DNAJC6: variants seen among roughly 807,000 people sequenced by gnomAD.
DNAJC6 encodes the protein auxilin.
A neutral mutation model predicts 110.0 loss-of-function variants in DNAJC6; 34 were observed. That is an observed-to-expected ratio of 0.31 (90% confidence interval 0.24 to 0.41). The LOEUF is 0.41. DNAJC6 is among the 10% of genes least tolerant of loss of function. The pLI is 1.00. For synonymous variants in DNAJC6, 406 were observed against 437.2 expected, an observed-to-expected ratio of 0.93 and a Z score of 0.89; for missense variants, 1,031 against 1,207.8, an observed-to-expected ratio of 0.85 and a Z score of 2.17.
chr1:65,370,565 A>G (rs1645696059), intron 4 of DNAJC6, among the ~76,000 whole-genome samples: 1 of 152,196 alleles, frequency 6.6e-6, no homozygotes, highest in Non-Finnish European at 1.5e-5. Context: ...ACCTGATTCC[A>G]GAGTTCTTAA....
At chr1:65,350,623 AC>A (rs1320486950) in intron 1 of DNAJC6, among the ~76,000 whole-genome samples, 1 of 152,244 alleles carries the variant, frequency 6.6e-6, no homozygotes, top group African/African-American at 2.4e-5. Context: ...CAGTTAAATT[AC>A]CGACATATCC....
intron 1 of DNAJC6, among the ~76,000 whole-genome samples, chr1:65,337,708 T>C (rs911295324): frequency 3.9e-5 from 6 of 152,196 alleles, no homozygotes; most frequent in African/African-American, 1.4e-4. Context: ...CATTGCAATG[T>C]AATAGGTATT....
chr1:65,338,704 A>T (rs1331933918), intron 1 of DNAJC6, among the ~76,000 whole-genome samples: 1 of 152,178 alleles, frequency 6.6e-6, no homozygotes, highest in African/African-American at 2.4e-5. Flanking sequence ...ATGTGTGTGT[A>T]TCTATCCACT....
intron 2 of DNAJC6, 107 bp from the exon 3 acceptor site, chr1:65,365,778 C>A: frequency 8.2e-7 from 1 of 1,225,278 alleles, no homozygotes; most frequent in Non-Finnish European, 1.2e-6. Flanking sequence ...TCGAAACATG[C>A]CCCCTGGACA....
intron 13 of DNAJC6, among the ~76,000 whole-genome samples, chr1:65,395,527 T>C (rs112200619): frequency 0.011 from 1,727 of 152,282 alleles, 19 homozygotes; most frequent in Non-Finnish European, 0.018. Flanking sequence ...TGTTGATGAC[T>C]CTACATGTGG....
Position 65,408,631 on chromosome 1 carries a change from T to G in DNAJC6, c.2492-10T>G, listed in dbSNP as rs1228703317. Reference sequence around the variant, plus strand: ...GAAAACTGTAATGATTTTCAAAAATTATATTGCAGAAGGGAAACAAAAAGC... The same window carrying G: ...GAAAACTGTAATGATTTTCAAAAATGATATTGCAGAAGGGAAACAAAAAGC... On this transcript the variant is annotated splice_polypyrimidine_tract_variant and intron_variant, in intron 16 of 18. Transcript: ENST00000371069. The G allele has an allele frequency of 1.9e-6, 3 of 1,599,704 alleles. No individual in the cohort carries two copies. Among genetic ancestry groups the G allele is most frequent in the African/African-American group, 2.7e-5 (2 of 73,520 alleles).
At chr1:65,311,228 T>TG (rs1645097636) in intron 1 of DNAJC6, among the ~76,000 whole-genome samples, 1 of 136,334 alleles carries the variant, frequency 7.3e-6, no homozygotes, top group Non-Finnish European at 1.6e-5. Context: ...TTTTTTTTTT[T>TG]TTTTTTTTTT....
At position 65,392,649 on chromosome 1, in the gene DNAJC6, G is replaced by A. The variant is rs887139680; in HGVS notation, c.1687G>A (p.Ala563Thr). The stretch of plus-strand genomic sequence containing the variant: ...GGACCTTTTGGGCCTGGAAGGGTCT[G>A]CAATGAGTAACAGCTTCTCTCCGCC... Reference protein sequence around the residue: ...DVDLLGLEGSAMSNSFSPPAA... With the variant: ...DVDLLGLEGSTMSNSFSPPAA... The change falls in exon 12 of 19, where the codon GCA becomes ACA. Residue 563 changes from alanine to threonine, a missense_variant. By Grantham distance (58) the Ala-to-Thr change is moderately conservative. Coordinates refer to ENST00000371069, the MANE Select transcript of DNAJC6 (RefSeq NM_001256864.2). 6.2e-7 allele frequency: 1 copy of A among 1,613,472 alleles called. No homozygotes were observed. The highest frequency in any genetic ancestry group is 1.3e-5 in the African/African-American group (1 of 75,020).
At chr1:65,375,853 C>A (rs1570346179) in intron 4 of DNAJC6, among the ~76,000 whole-genome samples, 1 of 152,306 alleles carries the variant, frequency 6.6e-6, no homozygotes, top group Non-Finnish European at 1.5e-5. Context: ...AGTTTTCCTT[C>A]TTTGTTGTAT....
intron 1 of DNAJC6, among the ~76,000 whole-genome samples, chr1:65,334,820 C>A (rs1302497658): frequency 6.6e-6 from 1 of 152,124 alleles, no homozygotes; most frequent in Non-Finnish European, 1.5e-5. Flanking sequence ...TACTCCATAA[C>A]CTCCCATGCT....
chr1:65,288,990 AACATATTTCTGTTGGTTATAT>A (rs1357727751), intron 1 of DNAJC6, among the ~76,000 whole-genome samples: 1 of 152,150 alleles, frequency 6.6e-6, no homozygotes, highest in Non-Finnish European at 1.5e-5. Flanking sequence ...TGCCCATGTG[AACATATTTCTGTTGGTTATAT>A]ACATATTTCT....
chr1:65,331,947 A>T (rs563985776), intron 1 of DNAJC6, among the ~76,000 whole-genome samples: 18 of 152,238 alleles, frequency 1.2e-4, no homozygotes, highest in Admixed American at 1.2e-3. Flanking sequence ...CAAGCTGGAA[A>T]TCTTCATTCT....
At chr1:65,410,379 C>T (rs1005953694) in intron 17 of DNAJC6, among the ~76,000 whole-genome samples, 11 of 152,194 alleles carry the variant, frequency 7.2e-5, no homozygotes, top group Non-Finnish European at 1.0e-4. Context: ...CACCCAATGT[C>T]ACAGAAGCTT....
At chr1:65,352,822 GCTT>G (rs1364567485) in intron 1 of DNAJC6, among the ~76,000 whole-genome samples, 4 of 152,136 alleles carry the variant, frequency 2.6e-5, no homozygotes. Context: ...TTGAGAAAAC[GCTT>G]CTTAGAGCTG....
Position 65,309,637 on chromosome 1 carries a change from C to A in DNAJC6, c.-109C>A. The A allele has an allele frequency of 7.1e-7, 1 of 1,412,946 alleles. No individual in the cohort carries two copies. The highest frequency in any genetic ancestry group is 1.5e-5 in the South Asian group (1 of 64,926). 87.5% of individuals were successfully genotyped at this position (1,412,946 alleles called of 1,614,324 possible). On this transcript the variant is annotated 5_prime_UTR_variant, in exon 1 of 19. It introduces an in-frame stop codon into an upstream open reading frame of the 5' UTR. Transcript: ENST00000371069. ...CTTTTCCCTCCTCTTTGCGTCATGT[C>A]GGGCACTTAATTTTTTTTTTTTTTT...
intron 1 of DNAJC6, chr1:65,279,213 G>A (rs1193782937): frequency 1.2e-5 from 12 of 960,768 alleles, no homozygotes; most frequent in African/African-American, 1.8e-5. Context: ...GGGGAGGGGC[G>A]GTGATGGTGG....
At chr1:65,318,800 C>G (rs1645170725) in intron 1 of DNAJC6, among the ~76,000 whole-genome samples, 1 of 152,094 alleles carries the variant, frequency 6.6e-6, no homozygotes, top group Non-Finnish European at 1.5e-5. Context: ...AGCAAACCAT[C>G]ATGGCACACG....
chr1:65,365,059 G>A (rs1180094678), intron 2 of DNAJC6, among the ~76,000 whole-genome samples: 2 of 152,100 alleles, frequency 1.3e-5, no homozygotes, highest in African/African-American at 4.8e-5. Flanking sequence ...TGCAATATCT[G>A]CCCTTGTTAA....
Position 65,364,610 on chromosome 1 carries a change from GTTTGT to G in DNAJC6, c.194-21_194-17del. 11 of 1,441,892 alleles carry G rather than the reference GTTTGT, an allele frequency of 7.6e-6. No individual in the cohort carries two copies. In the Admixed American group the frequency reaches 9.2e-5, roughly 12 times the overall value. The allele number at this position is 1,441,892 out of a possible 1,614,324, so 89.3% of individuals were successfully genotyped here. A position where few individuals can be genotyped will look rare whatever the true frequency, so the allele number is the denominator to read the frequency against. The stretch of plus-strand genomic sequence containing the variant: ...TTCTCTGCCATCACCATTTTTGTTT[GTTTGT>G]TTTTTTTTTTTTTTGGCAGGTGCCT... On this transcript the variant is annotated intron_variant, in intron 1 of 18. Coordinates refer to ENST00000371069, the MANE Select transcript of DNAJC6 (RefSeq NM_001256864.2).
Sources: allele counts gnomAD v4.1 joint callset (sites outside exome capture counted in the v4.1 genomes callset), GRCh38; gene constraint gnomAD v4.1.1; transcripts MANE v1.5; gene names NCBI Gene and HGNC (gene_info 2026-07-23, HGNC 2026-07-21).